The following TMOD1 variants were observed in gnomAD, a reference collection of about 807,000 sequenced individuals.
TMOD1 encodes the protein tropomodulin 1.
A neutral mutation model predicts 40.6 loss-of-function variants in TMOD1; 17 were observed. The observed-to-expected ratio is 0.42, with a 90% CI of 0.29 to 0.63. The LOEUF (loss-of-function observed/expected upper bound fraction) is 0.63, where lower values mean the gene tolerates loss of function less well. Among genes scored for constraint, TMOD1 ranks in the 20% least tolerant of loss-of-function variants. The pLI, the probability that TMOD1 is intolerant of heterozygous loss-of-function variation, is 0.22. For synonymous variants in TMOD1, 181 were observed against 175.0 expected (o/e 1.03, Z -0.27); for missense variants, 391 against 447.6 (o/e 0.87, Z 1.14).
intron 8 of TMOD1, among the ~76,000 whole-genome samples, chr9:97,589,609 G>A (rs1343307609): frequency 6.6e-6 from 1 of 152,098 alleles, no homozygotes; most frequent in African/African-American, 2.4e-5. Flanking sequence ...AGGGGTGTGT[G>A]TGTATTCTTA....
chr9:97,591,437 T>G lies in TMOD1; in HGVS notation c.1015+2T>G. 6.2e-7 allele frequency: 1 copy of G among 1,613,844 alleles called. No individual in the cohort carries two copies. Among genetic ancestry groups the G allele is most frequent in the Non-Finnish European group, 8.5e-7 (1 of 1,179,892 alleles). On this transcript the variant is annotated splice_donor_variant, in intron 9 of 9. Transcript: ENST00000259365. LOFTEE classifies it high-confidence loss of function. ...CAATGATGAACAACAATGACCTTGG[T>G]GAGTAGAAATATGCTTCCTGCCCTG...
intron 8 of TMOD1, among the ~76,000 whole-genome samples, chr9:97,584,632 G>A (rs1293338056): frequency 6.6e-6 from 1 of 152,188 alleles, no homozygotes; most frequent in African/African-American, 2.4e-5. Flanking sequence ...ATGTGTGGGA[G>A]TCTAAGTCTC....
intron 1 of TMOD1, among the ~76,000 whole-genome samples, chr9:97,518,358 C>T (rs1829857783): frequency 6.6e-6 from 1 of 152,378 alleles, no homozygotes; most frequent in East Asian, 1.9e-4. Flanking sequence ...CAGATTCGTC[C>T]TCAGAGCGAG....
At chr9:97,561,401 C>T (rs1830638828) in intron 4 of TMOD1, among the ~76,000 whole-genome samples, 1 of 152,186 alleles carries the variant, frequency 6.6e-6, no homozygotes, top group Non-Finnish European at 1.5e-5. Context: ...TCATTGAAAC[C>T]ATCCAGGGAG....
At chr9:97,518,310 G>A (rs1387435012) in intron 1 of TMOD1, among the ~76,000 whole-genome samples, 1 of 152,184 alleles carries the variant, frequency 6.6e-6, no homozygotes, top group African/African-American at 2.4e-5. Context: ...AGCCTCTGCC[G>A]GCCAAGGAAC....
chr9:97,503,823 C>T (rs1176897037), intron 1 of TMOD1, among the ~76,000 whole-genome samples: 1 of 152,176 alleles, frequency 6.6e-6, no homozygotes. Flanking sequence ...CTCAGAGGAA[C>T]CTTGAGCAAT....
chr9:97,585,333 C>T (rs1042221042), intron 8 of TMOD1, among the ~76,000 whole-genome samples: 2 of 150,868 alleles, frequency 1.3e-5, no homozygotes, highest in African/African-American at 4.9e-5. Context: ...AATATTGGCC[C>T]CCACTCTCTT....
intron 1 of TMOD1, among the ~76,000 whole-genome samples, chr9:97,517,163 A>G (rs1471824260): frequency 6.6e-6 from 1 of 151,970 alleles, no homozygotes; most frequent in African/African-American, 2.4e-5. Context: ...CCTGGGCAAC[A>G]TAGCAAGACC....
Position 97,501,809 on chromosome 9 carries a change from C to G in TMOD1, c.-49+6C>G, listed in dbSNP as rs1160787917. The G allele has an allele frequency of 1.3e-5, 2 of 152,772 alleles. No homozygotes were observed. The highest frequency in any genetic ancestry group is 2.4e-5 in the African/African-American group (1 of 41,390). The allele number at this position is 152,772 out of a possible 1,614,324, so 9.5% of individuals were successfully genotyped here. On this transcript the variant is annotated splice_donor_region_variant and intron_variant, in intron 1 of 9. Coordinates refer to ENST00000259365, the MANE Select transcript of TMOD1 (RefSeq NM_003275.4). ...CCCCACAGCTCTGCGTCCGGGTAAGCCCCCACCCCGCCTGGGGTCCCCCTC... is the reference window on the plus strand; with the variant it reads ...CCCCACAGCTCTGCGTCCGGGTAAGGCCCCACCCCGCCTGGGGTCCCCCTC...
intron 6 of TMOD1, among the ~76,000 whole-genome samples, chr9:97,565,354 G>A (rs1587946530): frequency 6.6e-6 from 1 of 152,182 alleles, no homozygotes; most frequent in Non-Finnish European, 1.5e-5. Flanking sequence ...TTCCCCAGGA[G>A]TCTCTGATGT....
rs1311089058 is a variant in TMOD1, at chr9:97,502,141, C to A, written c.-49+338C>A. On this transcript the variant is annotated intron_variant, in intron 1 of 9. Transcript: ENST00000259365. The surrounding 1 kb of genome is among the most constrained non-coding windows in gnomAD (Gnocchi z 6.1). ...ACGGCGCCCCGGGCTGGGGTCCTGGCGGAGGGGCGCCCCCGCCACCCGCAG... is the reference window on the plus strand; with the variant it reads ...ACGGCGCCCCGGGCTGGGGTCCTGGAGGAGGGGCGCCCCCGCCACCCGCAG... Among the ~76,000 whole-genome samples, 11 of 151,786 alleles carry A rather than the reference C, an allele frequency of 7.2e-5. No individual in the cohort carries two copies. Among genetic ancestry groups the A allele is most frequent in the Admixed American group, 2.6e-4 (4 of 15,254 alleles).
At chr9:97,558,122 T>A (rs1240334123) in intron 4 of TMOD1, among the ~76,000 whole-genome samples, 1 of 152,226 alleles carries the variant, frequency 6.6e-6, no homozygotes, top group Non-Finnish European at 1.5e-5. Context: ...CCTTCCTCTT[T>A]CCCTCCTTTC....
intron 2 of TMOD1, among the ~76,000 whole-genome samples, chr9:97,532,422 T>C (rs1830117119): frequency 6.6e-6 from 1 of 152,166 alleles, no homozygotes. Flanking sequence ...CGGGAAGCCT[T>C]TTAGACTCTT....
intron 2 of TMOD1, among the ~76,000 whole-genome samples, chr9:97,537,342 G>A (rs1050050700): frequency 5.3e-5 from 8 of 152,318 alleles, no homozygotes; most frequent in South Asian, 2.1e-4. Context: ...GTATATGTAC[G>A]TGTGTGTGCA....
At position 97,601,691 on chromosome 9, in the gene TMOD1, T is replaced by C. The variant is rs1205470740; in HGVS notation, c.*1993T>C. ...AACTATTCAACTCTGCCATAGATCA[T>C]GTGTAAAGGAATGGGTGTGGCTGTT... is the stretch of plus-strand genomic sequence containing the variant. On this transcript the variant is annotated 3_prime_UTR_variant, in exon 10 of 10. Coordinates refer to ENST00000259365, the MANE Select transcript of TMOD1 (RefSeq NM_003275.4). 3 of 546,754 alleles carry C rather than the reference T, an allele frequency of 5.5e-6. No individual in the cohort carries two copies. In the East Asian group the frequency reaches 4.4e-4, roughly 80 times the overall value. 33.9% of individuals were successfully genotyped at this position (546,754 alleles called of 1,614,324 possible). A position where few individuals can be genotyped will look rare whatever the true frequency, so the allele number is the denominator to read the frequency against.
chr9:97,501,801 CG>C lies in TMOD1; in HGVS notation c.-49+1del, dbSNP rs571673654. Reference sequence around the variant, plus strand: ...CGCGCCGGCCCCACAGCTCTGCGTCCGGGTAAGCCCCCACCCCGCCTGGGGT... The same window carrying C: ...CGCGCCGGCCCCACAGCTCTGCGTCCGGTAAGCCCCCACCCCGCCTGGGGT... On this transcript the variant is annotated splice_region_variant and 5_prime_UTR_variant, in exon 1 of 10. Coordinates refer to ENST00000259365, the MANE Select transcript of TMOD1 (RefSeq NM_003275.4). 5.9e-3 allele frequency: 904 copies of C among 152,778 alleles called. 13 individuals are homozygous for C. Among genetic ancestry groups the C allele is most frequent in the African/African-American group, 0.021 (870 of 41,490 alleles). 9.5% of individuals were successfully genotyped at this position (152,778 alleles called of 1,614,324 possible).
At chr9:97,572,884 A>G (rs557402941) in intron 8 of TMOD1, among the ~76,000 whole-genome samples, 1 of 152,288 alleles carries the variant, frequency 6.6e-6, no homozygotes, top group Admixed American at 6.5e-5. Flanking sequence ...TCTATCTCCA[A>G]GCAATGTTCT....
chr9:97,515,923 C>T (rs140037806), intron 1 of TMOD1, among the ~76,000 whole-genome samples: 242 of 152,254 alleles, frequency 1.6e-3, no homozygotes, highest in African/African-American at 5.4e-3. Context: ...TATTTTTATG[C>T]GCTGCAAAGG....
intron 1 of TMOD1, among the ~76,000 whole-genome samples, 155 bp from the exon 2 acceptor site, chr9:97,523,986 A>G (rs1277308925): frequency 6.6e-6 from 1 of 152,236 alleles, no homozygotes; most frequent in Admixed American, 6.5e-5. Flanking sequence ...TTTATTAGAG[A>G]ATTAGCCAAA....
Sources: gnomAD v4.1 joint callset for allele counts (sites outside exome capture counted in the v4.1 genomes callset) on GRCh38, gnomAD v4.1.1 for gene constraint, Gnocchi (gnomAD v3.1) non-coding constraint, MANE v1.5 for transcripts, NCBI Gene and HGNC (gene_info 2026-07-23, HGNC 2026-07-21) for gene names.